The following CYYR1 variants were observed in gnomAD, a reference collection of about 807,000 sequenced individuals.
CYYR1 encodes the protein cysteine and tyrosine-rich protein 1.
In CYYR1, 14 loss-of-function variants were observed where a neutral mutation model predicts 15.2. That is an observed-to-expected ratio of 0.92 (90% CI 0.61 to 1.44). CYYR1 has a LOEUF of 1.44. CYYR1 is among the 40% of genes most tolerant of loss of function. The pLI, the probability that CYYR1 is intolerant of heterozygous loss-of-function variation, is 0.00. For missense variants in CYYR1, 228 were observed against 209.5 expected, an observed-to-expected ratio of 1.09 and a Z score of -0.54; for synonymous variants, 80 against 77.4, an observed-to-expected ratio of 1.03 and a Z score of -0.18.
intron 2 of CYYR1, among the ~76,000 whole-genome samples, chr21:26,549,452 A>G (rs1979222658): frequency 1.3e-5 from 2 of 152,164 alleles, no homozygotes; most frequent in African/African-American, 4.8e-5. Flanking sequence ...ATCGGACTGT[A>G]CATTTCTCTT....
rs187040555 is a variant in CYYR1, at chr21:26,538,857, C to A, written c.176+27409G>T. On this transcript the variant is annotated intron_variant, in intron 2 of 3. Coordinates refer to ENST00000652641, the MANE Select transcript of CYYR1 (RefSeq NM_001320768.2). ...TTAGACTTATGTCCTATGCATGAAA[C>A]CAATTATATCACAATCTGGTTCTCA... Among the ~76,000 whole-genome samples the A allele has an allele frequency of 1.8e-3, 271 of 152,272 alleles. 1 individual carries two copies. Among genetic ancestry groups the A allele is most frequent in the South Asian group, 4.1e-3 (20 of 4,822 alleles).
chr21:26,531,059 A>G (rs1055400939), intron 2 of CYYR1, among the ~76,000 whole-genome samples: 7 of 152,202 alleles, frequency 4.6e-5, no homozygotes, highest in Admixed American at 6.5e-5. Context: ...CTAATGCAGC[A>G]GGCACGCATA....
At chr21:26,539,090 C>T (rs560921216) in intron 2 of CYYR1, among the ~76,000 whole-genome samples, 1 of 152,124 alleles carries the variant, frequency 6.6e-6, no homozygotes, top group Non-Finnish European at 1.5e-5. Context: ...ACCAATTATA[C>T]TACGACGGTT....
At chr21:26,520,047 G>T (rs2065781725) in intron 2 of CYYR1, among the ~76,000 whole-genome samples, 1 of 148,112 alleles carries the variant, frequency 6.8e-6, no homozygotes, top group African/African-American at 2.5e-5. Flanking sequence ...ATACTATGAA[G>T]CCATAAAAAG....
intron 2 of CYYR1, among the ~76,000 whole-genome samples, chr21:26,524,675 A>AT (rs2065842699): frequency 6.6e-6 from 1 of 152,230 alleles, no homozygotes; most frequent in African/African-American, 2.4e-5. Context: ...TTTTTAAAAA[A>AT]TTTTGTTAAT....
intron 2 of CYYR1, among the ~76,000 whole-genome samples, chr21:26,500,969 T>C (rs1034408165): frequency 2.0e-5 from 3 of 152,206 alleles, no homozygotes; most frequent in South Asian, 4.1e-4. Context: ...ACTTGTACCA[T>C]GTACCATTTA....
chr21:26,527,881 G>T (rs961702126), intron 2 of CYYR1, among the ~76,000 whole-genome samples: 21 of 152,134 alleles, frequency 1.4e-4, no homozygotes, highest in Admixed American at 1.4e-3. Context: ...TGAAGGCTAA[G>T]CCATCATTAC....
intron 2 of CYYR1, among the ~76,000 whole-genome samples, chr21:26,501,262 G>A (rs551439904): frequency 6.6e-5 from 10 of 152,250 alleles, no homozygotes; most frequent in African/African-American, 2.2e-4. Context: ...CGCTTGAACC[G>A]GGAGTTGGAG....
intron 1 of CYYR1, among the ~76,000 whole-genome samples, chr21:26,566,778 G>A (rs1481923708): frequency 1.3e-5 from 2 of 152,174 alleles, no homozygotes; most frequent in African/African-American, 4.8e-5. Flanking sequence ...GGGAGGCTGA[G>A]GCGGGTGATC....
intron 2 of CYYR1, among the ~76,000 whole-genome samples, chr21:26,514,625 G>C (rs2065696793): frequency 6.6e-6 from 1 of 152,194 alleles, no homozygotes; most frequent in African/African-American, 2.4e-5. Context: ...AGTGGCCCTA[G>C]TTTCCTAGTG....
intron 2 of CYYR1, among the ~76,000 whole-genome samples, chr21:26,529,404 T>G (rs578015662): frequency 6.6e-6 from 1 of 152,348 alleles, no homozygotes; most frequent in African/African-American, 2.4e-5. Context: ...CACTCACTCA[T>G]TCAACAAATG....
intron 2 of CYYR1, among the ~76,000 whole-genome samples, chr21:26,495,785 G>A (rs915653125): frequency 6.6e-6 from 1 of 152,210 alleles, no homozygotes; most frequent in Non-Finnish European, 1.5e-5. Flanking sequence ...TCAACTTCAC[G>A]ATTAAAAGAA....
intron 3 of CYYR1, among the ~76,000 whole-genome samples, chr21:26,474,715 C>T (rs965726527): frequency 6.6e-6 from 1 of 152,164 alleles, no homozygotes; most frequent in African/African-American, 2.4e-5. Flanking sequence ...TCTCTTCACC[C>T]TTGTTGTTGG....
chr21:26,536,388 AG>A (rs1978302036), intron 2 of CYYR1, among the ~76,000 whole-genome samples: 1 of 152,154 alleles, frequency 6.6e-6, no homozygotes, highest in Admixed American at 6.5e-5. Context: ...GTATGTTTAT[AG>A]TCTGTGTGAT....
intron 3 of CYYR1, among the ~76,000 whole-genome samples, chr21:26,473,015 T>C (rs1023004966): frequency 6.6e-6 from 1 of 152,184 alleles, no homozygotes; most frequent in African/African-American, 2.4e-5. Context: ...ATGTGGCTTA[T>C]TAAATAATCC....
At chr21:26,471,939 G>T (rs147137611) in intron 3 of CYYR1, among the ~76,000 whole-genome samples, 10 of 152,230 alleles carry the variant, frequency 6.6e-5, no homozygotes, top group African/African-American at 1.9e-4. Flanking sequence ...ATTCGGAGAA[G>T]AAATGTAATG....
chr21:26,561,544 G>A (rs901604301), intron 2 of CYYR1, among the ~76,000 whole-genome samples: 11 of 152,032 alleles, frequency 7.2e-5, no homozygotes, highest in Non-Finnish European at 1.3e-4. Flanking sequence ...GCCAAACTGC[G>A]GGTAATACAT....
At chr21:26,505,748 T>C (rs2065550021) in intron 2 of CYYR1, among the ~76,000 whole-genome samples, 1 of 152,190 alleles carries the variant, frequency 6.6e-6, no homozygotes, top group Admixed American at 6.5e-5. Flanking sequence ...GAAGTTATTG[T>C]TTACATAACA....
At chr21:26,473,570 C>G (rs1044322301) in intron 3 of CYYR1, among the ~76,000 whole-genome samples, 27 of 152,238 alleles carry the variant, frequency 1.8e-4, no homozygotes, top group Middle Eastern at 3.4e-3. Flanking sequence ...TTCCCCACCC[C>G]CTTCACTGTG....
Sources: allele counts gnomAD v4.1 joint callset (sites outside exome capture counted in the v4.1 genomes callset), GRCh38; gene constraint gnomAD v4.1.1; transcripts MANE v1.5; gene names NCBI Gene and HGNC (gene_info 2026-07-23, HGNC 2026-07-21).